The following SHTN1 variants were observed in gnomAD, a reference collection of about 807,000 sequenced individuals.
SHTN1 encodes shootin 1.
A neutral mutation model predicts 83.1 loss-of-function variants in SHTN1; 42 were observed. The ratio of observed to expected loss-of-function variants is 0.51; its 90% CI spans 0.39 to 0.65. The LOEUF is 0.65. Among genes scored for constraint, SHTN1 ranks in the 30% least tolerant of loss-of-function variants. The pLI, the probability that SHTN1 is intolerant of heterozygous loss-of-function variation, is 0.00. For missense variants in SHTN1, 622 were observed against 737.8 expected (o/e 0.84, Z 1.82); for synonymous variants, 224 against 247.7 (o/e 0.90, Z 0.90).
chr10:116,997,571 T>C (rs1485697417), intron 1 of SHTN1, among the ~76,000 whole-genome samples: 6 of 152,180 alleles, frequency 3.9e-5, no homozygotes, highest in African/African-American at 1.4e-4. Context: ...TTTGCTGATA[T>C]TTTCCTCATG....
chr10:117,120,616 C>A (rs746469382), intron 1 of SHTN1, among the ~76,000 whole-genome samples: 16 of 152,014 alleles, frequency 1.1e-4, no homozygotes, highest in Non-Finnish European at 1.8e-4. Context: ...AATATATACA[C>A]CTACTATGTA....
rs762973634 is a variant in SHTN1 at position 117,097,336 on chromosome 10, T to C, written c.-189+28971A>G. Among the ~76,000 whole-genome samples the C allele has an allele frequency of 5.9e-5, 9 of 152,232 alleles. No homozygotes were observed. The South Asian group carries it at 6.2e-4, about 11-fold the overall frequency. On this transcript the variant is annotated intron_variant, in intron 1 of 17. Transcript: ENST00000392901. ...ATCTATCTCAATGACTAAGTTTAAATTGATTTTATAACTCACAGTTTCTGA... is the reference window on the plus strand; with the variant it reads ...ATCTATCTCAATGACTAAGTTTAAACTGATTTTATAACTCACAGTTTCTGA...
intron 15 of SHTN1, among the ~76,000 whole-genome samples, chr10:116,905,314 T>G (rs1036294626): frequency 1.3e-5 from 2 of 151,872 alleles, no homozygotes; most frequent in Admixed American, 1.3e-4. Context: ...TGAATAACGA[T>G]TATATGTTAC....
At chr10:117,041,120 C>T (rs1852578641) in intron 2 of SHTN1, among the ~76,000 whole-genome samples, 1 of 151,860 alleles carries the variant, frequency 6.6e-6, no homozygotes, top group African/African-American at 2.4e-5. Context: ...ACAACAGGCC[C>T]CGGTGTTTAA....
At chr10:116,887,310 G>C (rs892434463) in intron 16 of SHTN1, among the ~76,000 whole-genome samples, 1 of 152,214 alleles carries the variant, frequency 6.6e-6, no homozygotes, top group Non-Finnish European at 1.5e-5. Flanking sequence ...AATGGGTGAG[G>C]ATTTCATTAT....
intron 1 of SHTN1, among the ~76,000 whole-genome samples, chr10:117,064,443 C>T (rs1394717353): frequency 6.6e-6 from 1 of 152,142 alleles, no homozygotes; most frequent in African/African-American, 2.4e-5. Context: ...ATCACGAGGT[C>T]AGGAGTTTGA....
chr10:117,042,971 C>A (rs1232081833), intron 2 of SHTN1, among the ~76,000 whole-genome samples: 1 of 152,050 alleles, frequency 6.6e-6, no homozygotes, highest in African/African-American at 2.4e-5. Flanking sequence ...TTTAACCTGT[C>A]TGAAGTCTAA....
rs758154344 is a variant in SHTN1, at chr10:117,021,252, CTTCCTCCCTCCCTTCCTCCT to C, written c.-123+27173_-123+27192del. On this transcript the variant is annotated intron_variant, in intron 2 of 17. Coordinates refer to the SHTN1 transcript ENST00000392901. ...GCCGGGCGTTGTGGTACGTGCCTCCCTTCCTCCCTCCCTTCCTCCTTTCCTCCCTCCCTTCTTTCCCTACT... is the reference window on the plus strand; with the variant it reads ...GCCGGGCGTTGTGGTACGTGCCTCCCTTCCTCCCTCCCTTCTTTCCCTACT... Among the ~76,000 whole-genome samples, 137 of 151,774 alleles carry C rather than the reference CTTCCTCCCTCCCTTCCTCCT, an allele frequency of 9.0e-4. 2 individuals carry two copies. Among genetic ancestry groups the C allele is most frequent in the Non-Finnish European group, 1.9e-4 (13 of 67,946 alleles).
At chr10:117,009,088 C>G (rs543460914), upstream of SHTN1, among the ~76,000 whole-genome samples, 22 of 152,120 alleles carry the variant, frequency 1.4e-4, no homozygotes, top group Admixed American at 8.5e-4. Flanking sequence ...GCACTCCAGC[C>G]TGGGCAACAA....
chr10:117,076,127 A>G (rs764597050), intron 1 of SHTN1, among the ~76,000 whole-genome samples: 2 of 150,216 alleles, frequency 1.3e-5, no homozygotes, highest in Non-Finnish European at 3.0e-5. Context: ...AGGTTGGAGT[A>G]AGCTGAGATT....
At chr10:117,008,310 C>A (rs185764407), upstream of SHTN1, among the ~76,000 whole-genome samples, 635 of 151,898 alleles carry the variant, frequency 4.2e-3, 8 homozygotes, top group African/African-American at 0.015. Flanking sequence ...TTTAATTTTT[C>A]AGGTAATTAA....
At chr10:116,968,137 T>C (rs963590079) in intron 3 of SHTN1, among the ~76,000 whole-genome samples, 1 of 152,088 alleles carries the variant, frequency 6.6e-6, no homozygotes, top group Non-Finnish European at 1.5e-5. Flanking sequence ...AGCCAAGATC[T>C]TGCTACTGCA....
intron 1 of SHTN1, among the ~76,000 whole-genome samples, chr10:117,118,363 CAAAAAAAAAAAAA>C (rs57432703): frequency 2.5e-5 from 3 of 118,432 alleles, no homozygotes; most frequent in East Asian, 2.7e-4. Context: ...TAATCCATTT[CAAAAAAAAAAAAA>C]AAAAAAAAAA....
chr10:117,058,805 A>G (rs143231149), intron 1 of SHTN1, among the ~76,000 whole-genome samples: 59 of 152,346 alleles, frequency 3.9e-4, no homozygotes, highest in African/African-American at 1.2e-3. Context: ...AATACTATTT[A>G]CCCTTAAAAA....
At chr10:116,997,669 T>C (rs914874853) in intron 1 of SHTN1, among the ~76,000 whole-genome samples, 10 of 152,212 alleles carry the variant, frequency 6.6e-5, no homozygotes, top group Non-Finnish European at 1.5e-4. Flanking sequence ...ATCATCATTG[T>C]TGATGTTGGC....
intron 1 of SHTN1, among the ~76,000 whole-genome samples, chr10:117,071,375 G>A (rs974919025): frequency 6.6e-6 from 1 of 152,154 alleles, no homozygotes; most frequent in Non-Finnish European, 1.5e-5. Context: ...AGATAGTGAA[G>A]GAAATGAAAT....
intron 1 of SHTN1, among the ~76,000 whole-genome samples, chr10:117,083,530 C>A (rs1006924921): frequency 6.1e-4 from 93 of 151,890 alleles, no homozygotes; most frequent in African/African-American, 2.1e-3. Context: ...TTGCTCTTCT[C>A]GAGGAGTATC....
At chr10:117,109,132 C>A (rs1853722352) in intron 1 of SHTN1, among the ~76,000 whole-genome samples, 1 of 152,216 alleles carries the variant, frequency 6.6e-6, no homozygotes, top group African/African-American at 2.4e-5. Flanking sequence ...GCATTGTAAT[C>A]ATCTGAACAA....
chr10:117,107,414 A>G (rs768714216), intron 1 of SHTN1, among the ~76,000 whole-genome samples: 1 of 151,904 alleles, frequency 6.6e-6, no homozygotes, highest in South Asian at 2.1e-4. Flanking sequence ...CTTCACTCAC[A>G]TACTCCGTTC....
Sources: gnomAD v4.1 joint callset for allele counts (sites outside exome capture counted in the v4.1 genomes callset) on GRCh38, gnomAD v4.1.1 for gene constraint, MANE v1.5 for transcripts, NCBI Gene and HGNC (gene_info 2026-07-23, HGNC 2026-07-21) for gene names.